PPP1CA: variants seen among roughly 807,000 people sequenced by gnomAD.
The protein encoded by PPP1CA is protein phosphatase 1 catalytic subunit alpha.
In PPP1CA, 14 loss-of-function variants were observed where a neutral mutation model predicts 38.5. That is an observed-to-expected ratio of 0.36 (90% CI 0.24 to 0.57). PPP1CA has a LOEUF of 0.57. Among genes scored for constraint, PPP1CA ranks in the 20% least tolerant of loss-of-function variants. PPP1CA has a pLI of 0.80. For missense variants in PPP1CA, 277 were observed against 435.2 expected (o/e 0.64, Z 3.23); for synonymous variants, 200 against 177.3 (o/e 1.13, Z -1.02).
intron 1 of PPP1CA, 130 bp downstream of exon 1, chr11:67,401,598 G>A (rs996835964): frequency 1.4e-5 from 12 of 837,724 alleles, no homozygotes; most frequent in Non-Finnish European, 1.9e-5. Flanking sequence ...GGGGGCAGCT[G>A]CGGCCACGGA....
At position 67,398,627 on chromosome 11, in the gene PPP1CA, T is replaced by C; in HGVS notation, c.901A>G (p.Lys301Glu). 2 of 1,614,094 alleles carry C rather than the reference T, an allele frequency of 1.2e-6. No homozygotes were observed. Among genetic ancestry groups the C allele is most frequent in the Admixed American group, 1.7e-5 (1 of 60,020 alleles). The change falls in exon 7 of 7, where the codon AAG (lysine) becomes GAG (glutamate). Residue 301 changes from lysine (K) to glutamate (E), a missense_variant. Transcript: ENST00000376745. Reference sequence around the variant, plus strand: ...AACTGCCCGTACTTCCCCTTGTTCTTGTCGGCGGGCTTGAGGATCTAAAAG... The same window carrying C: ...AACTGCCCGTACTTCCCCTTGTTCTCGTCGGCGGGCTTGAGGATCTAAAAG... ...CSFQILKPAD[K>E]NKGKYGQFSG... is the part of the protein sequence containing the mutation.
In PPP1CA at chr11:67,398,979, G is replaced by T. The variant is rs776393750; in HGVS notation, c.708C>A (p.Leu236=). The stretch of plus-strand genomic sequence containing the variant: ...AGATGAGGTCCAAGTCGTGCTTGTG[G>T]AGGAACTTGGCCACCACCTCGGCTC... ...TFGAEVVAKF[L]HKHDLDLICR... The change falls in exon 5 of 7, where the codon CTC becomes CTA. Residue 236 remains leucine (L), a synonymous_variant. Coordinates refer to ENST00000376745, the MANE Select transcript of PPP1CA (RefSeq NM_002708.4). 1 of 1,613,408 alleles carries T rather than the reference G, an allele frequency of 6.2e-7. No individual in the cohort carries two copies. Among genetic ancestry groups the T allele is most frequent in the Non-Finnish European group, 8.5e-7 (1 of 1,180,022 alleles).
Position 67,399,177 on chromosome 11 carries a change from G to T in PPP1CA, c.524-14C>A. On this transcript the variant is annotated splice_polypyrimidine_tract_variant and intron_variant, in intron 4 of 6. Coordinates refer to ENST00000376745, the MANE Select transcript of PPP1CA (RefSeq NM_002708.4). Reference sequence around the variant, plus strand: ...CCGGGGACAGGCCTGGGGGGCCGGGGGAAGGTCACTTCCTCAAACAAGGAC... The same window carrying T: ...CCGGGGACAGGCCTGGGGGGCCGGGTGAAGGTCACTTCCTCAAACAAGGAC... The T allele has an allele frequency of 6.2e-7, 1 of 1,607,618 alleles. No homozygotes were observed.
intron 3 of PPP1CA, among the ~76,000 whole-genome samples, chr11:67,399,960 A>C (rs924744988): frequency 3.3e-5 from 5 of 152,042 alleles, no homozygotes; most frequent in Admixed American, 2.0e-4. Flanking sequence ...ACATGGAGAA[A>C]CCTCGTCTCT....
At chr11:67,399,999 T>A (rs1862846041) in intron 3 of PPP1CA, among the ~76,000 whole-genome samples, 1 of 152,018 alleles carries the variant, frequency 6.6e-6, no homozygotes, top group African/African-American at 2.4e-5. Context: ...CAGCCAGGCG[T>A]GGTGGCGCAT....
rs1862783685 is a variant in PPP1CA, at chr11:67,398,330, AGTCACCGCAG to A, written c.*195_*204del. 1.7e-6 allele frequency: 1 copy of A among 600,652 alleles called. No homozygotes were observed. Among genetic ancestry groups the A allele is most frequent in the South Asian group, 2.1e-5 (1 of 47,536 alleles). The allele number at this position is 600,652 out of a possible 1,614,324, so 37.2% of individuals were successfully genotyped here. A position where few individuals can be genotyped will look rare whatever the true frequency, so the allele number is the denominator to read the frequency against. ...GCCTCGGCCCCAGGATCCTGCTCAC[AGTCACCGCAG>A]GTGCAGGCAGGAAGCAGCCCTGGGG... On this transcript the variant is annotated 3_prime_UTR_variant, in exon 7 of 7. Transcript: ENST00000376745.
At chr11:67,401,411 G>A in intron 1 of PPP1CA, 1 of 794,788 alleles carries the variant, frequency 1.3e-6, no homozygotes, top group Non-Finnish European at 1.9e-6. Flanking sequence ...GGCGACTGTC[G>A]TGCGCAGGGG....
In PPP1CA at chr11:67,401,204, G is replaced by A. The variant is rs764849104; in HGVS notation, c.56-5C>T. 14 of 1,613,568 alleles carry A rather than the reference G, an allele frequency of 8.7e-6. No homozygotes were observed. The highest frequency in any genetic ancestry group is 6.7e-5 in the Admixed American group (4 of 60,018). ...TGCCAGGCCGCGAGCCCTGCACTGG[G>A]GCGCAATGGGGTGTCAGGACCCTGG... On this transcript the variant is annotated splice_region_variant and splice_polypyrimidine_tract_variant and intron_variant, in intron 1 of 6. Coordinates refer to ENST00000376745, the MANE Select transcript of PPP1CA (RefSeq NM_002708.4).
chr11:67,399,751 G>A lies in PPP1CA; in HGVS notation c.419-86C>T, dbSNP rs2134982732. ...GGCTATTCAGCCGTGGCTGGGAGGA[G>A]AGAGTCAGGCACCGATGCAAACCAC... On this transcript the variant is annotated intron_variant, in intron 3 of 6. Coordinates refer to ENST00000376745, the MANE Select transcript of PPP1CA (RefSeq NM_002708.4). 2.7e-6 allele frequency: 3 copies of A among 1,118,304 alleles called. No homozygotes were observed. In the South Asian group the frequency reaches 4.0e-5, roughly 15 times the overall value. 69.3% of individuals were successfully genotyped at this position (1,118,304 alleles called of 1,614,324 possible).
At position 67,401,331 on chromosome 11, in the gene PPP1CA, G is replaced by A. The variant is rs116691535; in HGVS notation, c.56-132C>T. On this transcript the variant is annotated intron_variant, in intron 1 of 6. Transcript: ENST00000376745. ...TCCTTGCCCACAGGCAGCTGTTGCT[G>A]CTGAGCCTCCCGGGACCGCGGCCTC... The A allele has an allele frequency of 2.5e-3, 3,708 of 1,473,674 alleles. 77 individuals carry two copies. In the African/African-American group the frequency reaches 0.046, roughly 18 times the overall value. The allele number at this position is 1,473,674 out of a possible 1,614,324, so 91.3% of individuals were successfully genotyped here.
rs1384148733 is a variant in PPP1CA at position 67,401,670 on chromosome 11, C to G, written c.55+58G>C. On this transcript the variant is annotated intron_variant, in intron 1 of 6. Transcript: ENST00000376745. ...CCGGGGGCCCGCCCGCGCGCCACTT[C>G]CGGGCCGGGCAGGGGGCCAGGGCGC... 4 of 1,283,860 alleles carry G rather than the reference C, an allele frequency of 3.1e-6. No individual in the cohort carries two copies. The East Asian group carries it at 1.3e-4, about 43-fold the overall frequency. The allele number at this position is 1,283,860 out of a possible 1,614,324, so 79.5% of individuals were successfully genotyped here. A position where few individuals can be genotyped will look rare whatever the true frequency, so the allele number is the denominator to read the frequency against.
intron 1 of PPP1CA, chr11:67,401,525 G>C: frequency 1.8e-6 from 1 of 560,142 alleles, no homozygotes; most frequent in South Asian, 3.0e-5. Context: ...CCCCAGCCCG[G>C]GAGAGGGGGG....
intron 2 of PPP1CA, 67 bp from the exon 3 acceptor site, chr11:67,400,986 C>T: frequency 1.2e-6 from 2 of 1,608,808 alleles, no homozygotes; most frequent in East Asian, 4.5e-5. Context: ...CAGGACTGCG[C>T]TCAAGGGAGG....
At chr11:67,401,497 C>A in intron 1 of PPP1CA, 1 of 574,452 alleles carries the variant, frequency 1.7e-6, no homozygotes, top group Non-Finnish European at 2.9e-6. Context: ...GCCCCAAGAG[C>A]CCAGGCAACC....
rs17881020 is a variant in PPP1CA at position 67,398,740 on chromosome 11, G to C, written c.864C>G (p.Thr288=). The C allele has an allele frequency of 1.7e-3, 2,798 of 1,613,926 alleles. 5 individuals carry two copies. The highest frequency in any genetic ancestry group is 2.2e-3 in the Non-Finnish European group (2,549 of 1,179,990). Residue 288 remains threonine, a synonymous_variant, in exon 6 of 7, where the codon ACC becomes ACG. Transcript: ENST00000376745. ...CACTCACCTGGAAAGAGCACATGAG[G>C]GTCTCGTCCACACTCATCATGGCGC... ...NAGAMMSVDE[T]LMCSFQILKP... is the part of the protein sequence containing the mutation.
Position 67,401,193 on chromosome 11 carries a change from C to G in PPP1CA, c.62G>C (p.Gly21Ala). 1 of 1,613,848 alleles carries G rather than the reference C, an allele frequency of 6.2e-7. No homozygotes were observed. The highest frequency in any genetic ancestry group is 8.5e-7 in the Non-Finnish European group (1 of 1,179,990). ...CTGTACATTCTTGCCAGGCCGCGAG[C>G]CCTGCACTGGGGCGCAATGGGGTGT... ...SIIGRLLEVQGSRPGKNVQLT... is the reference protein window; with the variant it reads ...SIIGRLLEVQASRPGKNVQLT... The change falls in exon 2 of 7, where the codon GGC becomes GCC. Residue 21 changes from glycine to alanine, a missense_variant. Physicochemically the swap from Gly to Ala is moderately conservative, Grantham distance 60. Coordinates refer to ENST00000376745, the MANE Select transcript of PPP1CA (RefSeq NM_002708.4).
In PPP1CA at chr11:67,398,967, G is replaced by C; in HGVS notation, c.720C>G (p.Asp240Glu). Residue 240 changes from aspartate to glutamate, a missense_variant, in exon 5 of 7, where the codon GAC becomes GAG. Physicochemically the swap from Asp to Glu is conservative, Grantham distance 45. Coordinates refer to ENST00000376745, the MANE Select transcript of PPP1CA (RefSeq NM_002708.4). ...GGTGTGCTCGGCAGATGAGGTCCAA[G>C]TCGTGCTTGTGGAGGAACTTGGCCA... ...EVVAKFLHKH[D>E]LDLICRAHQV... 1.9e-6 allele frequency: 3 copies of C among 1,613,392 alleles called. No homozygotes were observed. The highest frequency in any genetic ancestry group is 2.5e-6 in the Non-Finnish European group (3 of 1,180,022).
rs956546004 is a variant in PPP1CA at position 67,401,428 on chromosome 11, A to C, written c.56-229T>G. On this transcript the variant is annotated intron_variant, in intron 1 of 6. Transcript: ENST00000376745. ...CGACTGTCGTGCGCAGGGGGCTGCCACCAAAAACCTCACAGCGCAGGACCC... is the reference window on the plus strand; with the variant it reads ...CGACTGTCGTGCGCAGGGGGCTGCCCCCAAAAACCTCACAGCGCAGGACCC... 1.1e-5 allele frequency: 8 copies of C among 719,006 alleles called. No individual in the cohort carries two copies. The Admixed American group carries it at 2.4e-4, about 21-fold the overall frequency. 44.5% of individuals were successfully genotyped at this position (719,006 alleles called of 1,614,324 possible).
In PPP1CA at chr11:67,399,648, T is replaced by C; in HGVS notation, c.436A>G (p.Ile146Val). Residue 146 changes from isoleucine to valine, a missense_variant, in exon 4 of 7, where the codon ATC (isoleucine) becomes GTC (valine). Physicochemically the swap from Ile to Val is conservative, Grantham distance 29. Transcript: ENST00000376745. ...FYDECKRRYN[I>V]KLWKTFTDCF... is the part of the protein sequence containing the mutation. ...TCAGTGAAGGTTTTCCACAGTTTGA[T>C]GTTGTAGCGTCTCTTGCCTGCCCAG... is the stretch of plus-strand genomic sequence containing the variant. 6.2e-7 allele frequency: 1 copy of C among 1,613,906 alleles called. No individual in the cohort carries two copies.
Sources: gnomAD v4.1 joint callset for allele counts (sites outside exome capture counted in the v4.1 genomes callset) on GRCh38, gnomAD v4.1.1 for gene constraint, MANE v1.5 for transcripts, NCBI Gene and HGNC (gene_info 2026-07-23, HGNC 2026-07-21) for gene names.